The following ZNF207 variants were observed in gnomAD, a reference collection of about 807,000 sequenced individuals.
ZNF207 encodes the protein zinc finger protein 207.
Under a neutral mutation model 60.2 loss-of-function variants are expected in ZNF207, and 24 were observed. The observed-to-expected ratio is 0.40, with a 90% CI of 0.29 to 0.56. The LOEUF is 0.56. Ranked by LOEUF, ZNF207 falls within the 20% of genes least tolerant of loss-of-function variation. ZNF207 has a pLI of 0.49. For synonymous variants in ZNF207, 236 were observed against 194.7 expected (o/e 1.21, Z -1.77); for missense variants, 452 against 636.6 (o/e 0.71, Z 3.12).
In ZNF207 at chr17:32,350,306, G is replaced by A. The variant is rs140451700; in HGVS notation, c.21G>A (p.Lys7=). 5.6e-3 allele frequency: 9,018 copies of A among 1,614,170 alleles called. 55 individuals are homozygous for A. Among genetic ancestry groups the A allele is most frequent in the Non-Finnish European group, 5.9e-3 (6,914 of 1,180,034 alleles). ...CAGTTATGGGTCGCAAGAAGAAGAA[G>A]CAGCTGAAGCCGTGGTGCTGGTATC... is the stretch of plus-strand genomic sequence containing the variant. MGRKKK[K]QLKPWCWYCN... The change falls in exon 1 of 12, where the codon AAG becomes AAA. Residue 7 remains lysine (K), a synonymous_variant. Transcript: ENST00000394670.
rs150225146 is a variant in ZNF207 at position 32,367,747 on chromosome 17, G to A, written c.922-25G>A. The stretch of plus-strand genomic sequence containing the variant: ...AGTTAATTTAAGGTTTTGAAGTTTC[G>A]TTGATGAAGTATTGTATTTTACAGG... On this transcript the variant is annotated intron_variant, in intron 9 of 11. Transcript: ENST00000394670. 8,482 of 1,608,426 alleles carry A rather than the reference G, an allele frequency of 5.3e-3. 32 individuals are homozygous for A. The highest frequency in any genetic ancestry group is 6.1e-3 in the Non-Finnish European group (7,178 of 1,176,940).
chr17:32,351,338 GTTACTC>G, intron 1 of ZNF207: 1 of 645,488 alleles, frequency 1.5e-6, no homozygotes, highest in Non-Finnish European at 2.1e-6. Context: ...TCACCATATA[GTTACTC>G]TTAGATTCTA....
At chr17:32,364,295 G>A (rs1474123160) in intron 7 of ZNF207, among the ~76,000 whole-genome samples, 1 of 151,900 alleles carries the variant, frequency 6.6e-6, no homozygotes, top group African/African-American at 2.4e-5. Context: ...AGGAAATACA[G>A]CACAAGGAAA....
intron 9 of ZNF207, among the ~76,000 whole-genome samples, chr17:32,367,519 A>G (rs745397992): frequency 3.9e-5 from 6 of 151,914 alleles, no homozygotes; most frequent in Non-Finnish European, 7.4e-5. Context: ...AGGAGGTAGA[A>G]GACATCTAAC....
rs1330669262 is a variant in ZNF207, at chr17:32,357,311, A to AATTATTATT, written c.169-1158_169-1150dup. ...CTATACTTAGAAAATTTGCTATTCT[A>AATTATTATT]ATTATTATTATTATTATTATTATTA... On this transcript the variant is annotated intron_variant, in intron 2 of 11. Transcript: ENST00000394670. Among the ~76,000 whole-genome samples the AATTATTATT allele has an allele frequency of 1.2e-4, 14 of 118,338 alleles. 1 individual carries two copies. Among genetic ancestry groups the AATTATTATT allele is most frequent in the African/African-American group, 4.5e-4 (13 of 28,960 alleles). The allele number at this position is 118,338 out of a possible 152,430, so 77.6% of individuals were successfully genotyped here. A position where few individuals can be genotyped will look rare whatever the true frequency, so the allele number is the denominator to read the frequency against.
rs978553718 is a variant in ZNF207 at position 32,378,114 on chromosome 17, A to T, written c.*8355A>T. 6.6e-6 allele frequency: 1 copy of T among 152,426 alleles called. No individual in the cohort carries two copies. 9.4% of individuals were successfully genotyped at this position (152,426 alleles called of 1,614,324 possible). The stretch of plus-strand genomic sequence containing the variant: ...AATAGATCCATTGGACACTTTAAAC[A>T]CTCAGTACTTGGGCCAAAGTAGATC... On this transcript the variant is annotated 3_prime_UTR_variant, in exon 12 of 12. Coordinates refer to ENST00000394670, the MANE Select transcript of ZNF207 (RefSeq NM_001098507.2).
intron 1 of ZNF207, 128 bp downstream of exon 1, chr17:32,350,454 T>TG (rs2041480134): frequency 8.2e-7 from 1 of 1,223,972 alleles, no homozygotes; most frequent in South Asian, 1.2e-5. Flanking sequence ...GGTGGCCTGG[T>TG]GGCTGGGATT....
At position 32,379,728 on chromosome 17, in the gene ZNF207, A is replaced by G. The variant is rs1172144316; in HGVS notation, c.*9969A>G. 6.6e-6 allele frequency: 1 copy of G among 152,166 alleles called. No homozygotes were observed. The highest frequency in any genetic ancestry group is 2.4e-5 in the African/African-American group (1 of 41,450). The allele number at this position is 152,166 out of a possible 1,614,324, so 9.4% of individuals were successfully genotyped here. On this transcript the variant is annotated 3_prime_UTR_variant, in exon 12 of 12. Transcript: ENST00000394670. ...TCTTTGAGAGGCTTAAAAATTTCAA[A>G]AGTATTATTTAAGCCACTCTAACCC...
chr17:32,367,738 T>A, intron 9 of ZNF207, 34 bp from the exon 10 acceptor site: 1 of 1,608,016 alleles, frequency 6.2e-7, no homozygotes. Flanking sequence ...TTTAAGGTTT[T>A]GAAGTTTCGT....
chr17:32,355,505 A>G (rs1207335956), intron 2 of ZNF207, among the ~76,000 whole-genome samples: 2 of 152,236 alleles, frequency 1.3e-5, no homozygotes. Context: ...TTTGAGGTCT[A>G]TTAAATATCC....
intron 2 of ZNF207, among the ~76,000 whole-genome samples, chr17:32,355,765 A>G (rs1343602927): frequency 6.6e-6 from 1 of 152,242 alleles, no homozygotes; most frequent in African/African-American, 2.4e-5. Flanking sequence ...AACCAAGAGT[A>G]GTGCCCTGGA....
chr17:32,367,528 A>G (rs911340395), intron 9 of ZNF207, among the ~76,000 whole-genome samples: 1 of 151,910 alleles, frequency 6.6e-6, no homozygotes, highest in Non-Finnish European at 1.5e-5. Flanking sequence ...AAGACATCTA[A>G]CAAGTTAAAT....
chr17:32,368,109 G>A (rs1464798778), intron 10 of ZNF207, 95 bp downstream of exon 10: 3 of 1,524,252 alleles, frequency 2.0e-6, no homozygotes, highest in Non-Finnish European at 2.7e-6. Context: ...TACTCAGATG[G>A]TCTGTGATCT....
In ZNF207 at chr17:32,373,884, C is replaced by G. The variant is rs1323857287; in HGVS notation, c.*4125C>G. On this transcript the variant is annotated 3_prime_UTR_variant, in exon 12 of 12. Coordinates refer to ENST00000394670, the MANE Select transcript of ZNF207 (RefSeq NM_001098507.2). The stretch of plus-strand genomic sequence containing the variant: ...ATAAGTTTAATCATTGGAAATGCCA[C>G]TGGATACTGAAATGTGCCTTCTCTT... 1 of 152,698 alleles carries G rather than the reference C, an allele frequency of 6.5e-6. No individual in the cohort carries two copies. The highest frequency in any genetic ancestry group is 1.5e-5 in the Non-Finnish European group (1 of 68,422). 9.5% of individuals were successfully genotyped at this position (152,698 alleles called of 1,614,324 possible).
rs1350395732 is a variant in ZNF207 at position 32,379,407 on chromosome 17, C to G, written c.*9648C>G. On this transcript the variant is annotated 3_prime_UTR_variant, in exon 12 of 12. Transcript: ENST00000394670. The stretch of plus-strand genomic sequence containing the variant: ...CTAGTTCACTTTTTTCTGACCTTCA[C>G]TTAACAGACTATAAATACAAAAACT... 12 of 152,044 alleles carry G rather than the reference C, an allele frequency of 7.9e-5. No homozygotes were observed. Among genetic ancestry groups the G allele is most frequent in the Admixed American group, 7.9e-4 (12 of 15,262 alleles). 9.4% of individuals were successfully genotyped at this position (152,044 alleles called of 1,614,324 possible). A position where few individuals can be genotyped will look rare whatever the true frequency, so the allele number is the denominator to read the frequency against.
In ZNF207 at chr17:32,360,885, C is replaced by G; in HGVS notation, c.476-7C>G. On this transcript the variant is annotated splice_polypyrimidine_tract_variant and splice_region_variant and intron_variant, in intron 4 of 11. Transcript: ENST00000394670. The stretch of plus-strand genomic sequence containing the variant: ...GTTATTATTTTGATTGAAATTCTTG[C>G]TTGTAGGCATACCTCCATTAATGCC... The G allele has an allele frequency of 6.2e-7, 1 of 1,614,040 alleles. No homozygotes were observed. The highest frequency in any genetic ancestry group is 8.5e-7 in the Non-Finnish European group (1 of 1,179,970).
intron 2 of ZNF207, among the ~76,000 whole-genome samples, chr17:32,355,571 A>G (rs918523756): frequency 5.9e-5 from 9 of 152,210 alleles, no homozygotes; most frequent in Non-Finnish European, 1.2e-4. Context: ...CATAGAAATT[A>G]AAACAGGAGA....
chr17:32,365,178 GTAAGAA>G, intron 7 of ZNF207, 146 bp from the exon 8 acceptor site: 1 of 797,940 alleles, frequency 1.3e-6, no homozygotes, highest in Non-Finnish European at 1.9e-6. Context: ...AAAATTTAAG[GTAAGAA>G]TGTTGCATGG....
chr17:32,362,974 A>AATGCCACCAGGT lies in ZNF207; in HGVS notation c.663_670+4dup. The AATGCCACCAGGT allele has an allele frequency of 1.2e-6, 2 of 1,613,134 alleles. No homozygotes were observed. Among genetic ancestry groups the AATGCCACCAGGT allele is most frequent in the Admixed American group, 1.7e-5 (1 of 60,008 alleles). ...CAGGAATACCACCTCTGATGCCTGG[A>AATGCCACCAGGT]ATGCCACCAGGTATATGTTAGATAA... On this transcript the variant is annotated inframe_insertion, in exon 7 of 12. Coordinates refer to ENST00000394670, the MANE Select transcript of ZNF207 (RefSeq NM_001098507.2).
Sources: allele counts gnomAD v4.1 joint callset (sites outside exome capture counted in the v4.1 genomes callset), GRCh38; gene constraint gnomAD v4.1.1; transcripts MANE v1.5; gene names NCBI Gene and HGNC (gene_info 2026-07-23, HGNC 2026-07-21).